DDX10: variants seen among roughly 807,000 people sequenced by gnomAD.
DDX10 encodes the protein probable ATP-dependent RNA helicase DDX10.
In DDX10, 74 loss-of-function variants were observed where a neutral mutation model predicts 104.3. The observed-to-expected ratio is 0.71, with a 90% CI of 0.59 to 0.86. The LOEUF (loss-of-function observed/expected upper bound fraction) is 0.86. DDX10 is among the 40% of genes least tolerant of loss of function. DDX10 has a pLI of 0.00. For missense variants in DDX10, 952 were observed against 1,040.0 expected, an observed-to-expected ratio of 0.92 and a Z score of 1.16; for synonymous variants, 351 against 353.4, an observed-to-expected ratio of 0.99 and a Z score of 0.08.
rs536617962 is a variant in DDX10 at position 108,871,597 on chromosome 11, A to C, written c.2304+19388A>C. ...TACCCATCCATTTGCCCACACCCCA[A>C]CTCCATCCTCCTCCTTACCAGTCCC... On this transcript the variant is annotated intron_variant, in intron 16 of 17. Coordinates refer to ENST00000322536, the MANE Select transcript of DDX10 (RefSeq NM_004398.4). Among the ~76,000 whole-genome samples the C allele has an allele frequency of 3.3e-5, 5 of 152,048 alleles. No individual in the cohort carries two copies. The East Asian group carries it at 7.7e-4, about 24-fold the overall frequency.
rs558611386 is a variant in DDX10, at chr11:108,940,453, A to G, written c.*30A>G. ...TTCCTGCGCCTGCCTTCTCCTTGAAACCTTGGTTATGACTGCGTAGGCAAG... is the reference window on the plus strand; with the variant it reads ...TTCCTGCGCCTGCCTTCTCCTTGAAGCCTTGGTTATGACTGCGTAGGCAAG... On this transcript the variant is annotated 3_prime_UTR_variant, in exon 18 of 18. Transcript: ENST00000322536. 2.5e-6 allele frequency: 4 copies of G among 1,606,048 alleles called. No individual in the cohort carries two copies. In the South Asian group the frequency reaches 4.4e-5, roughly 18 times the overall value.
At chr11:108,852,119 T>C in intron 15 of DDX10, 34 bp from the exon 16 acceptor site, 1 of 1,544,950 alleles carries the variant, frequency 6.5e-7, no homozygotes, top group Non-Finnish European at 8.9e-7. Flanking sequence ...CCTAATTATA[T>C]GCTGCTAATT....
intron 16 of DDX10, among the ~76,000 whole-genome samples, chr11:108,879,493 C>T (rs1638312539): frequency 6.6e-6 from 1 of 152,104 alleles, no homozygotes; most frequent in East Asian, 1.9e-4. Context: ...GTAATTTCTA[C>T]ATTGCTCCCA....
intron 13 of DDX10, among the ~76,000 whole-genome samples, chr11:108,825,272 G>A (rs1862380452): frequency 6.6e-6 from 1 of 152,180 alleles, no homozygotes; most frequent in South Asian, 2.1e-4. Flanking sequence ...TCTGGAAAAT[G>A]AGGGAAACAG....
Position 108,917,864 on chromosome 11 carries a change from A to G in DDX10, c.2305-9A>G, listed in dbSNP as rs567729723. ...TTCAACTGCAGTTTCCCTTATTATT[A>G]TTTTTTAGGCCAAAGATGAAGAGGA... On this transcript the variant is annotated splice_polypyrimidine_tract_variant and intron_variant, in intron 16 of 17. Coordinates refer to ENST00000322536, the MANE Select transcript of DDX10 (RefSeq NM_004398.4). 4.0e-5 allele frequency: 64 copies of G among 1,607,528 alleles called. 1 individual carries two copies. The East Asian group carries it at 9.4e-4, about 24-fold the overall frequency.
At chr11:108,682,698 A>T (rs1238923816) in intron 6 of DDX10, among the ~76,000 whole-genome samples, 1 of 152,182 alleles carries the variant, frequency 6.6e-6, no homozygotes, top group East Asian at 1.9e-4. Context: ...TGTTTGCAAC[A>T]TCAGTATTTA....
At chr11:108,729,116 CA>C (rs2094308862) in intron 13 of DDX10, among the ~76,000 whole-genome samples, 1 of 152,128 alleles carries the variant, frequency 6.6e-6, no homozygotes, top group African/African-American at 2.4e-5. Context: ...CTCATGTAAA[CA>C]CTTACTTTAT....
intron 16 of DDX10, among the ~76,000 whole-genome samples, chr11:108,865,689 A>G (rs1174956201): frequency 6.6e-6 from 1 of 152,086 alleles, no homozygotes; most frequent in African/African-American, 2.4e-5. Flanking sequence ...ATGCAGCGAG[A>G]TTTTGAGGGG....
At chr11:108,937,999 C>A (rs1864057855) in intron 17 of DDX10, among the ~76,000 whole-genome samples, 1 of 152,218 alleles carries the variant, frequency 6.6e-6, no homozygotes, top group South Asian at 2.1e-4. Context: ...CAGGCTTGGA[C>A]TCGCCCCAAT....
At chr11:108,734,894 T>C (rs531366122) in intron 13 of DDX10, among the ~76,000 whole-genome samples, 1 of 152,334 alleles carries the variant, frequency 6.6e-6, no homozygotes, top group South Asian at 2.1e-4. Flanking sequence ...AATATAATTG[T>C]ACAACACTGC....
chr11:108,738,273 C>G (rs1377724849), intron 13 of DDX10, among the ~76,000 whole-genome samples: 1 of 147,144 alleles, frequency 6.8e-6, no homozygotes, highest in African/African-American at 2.5e-5. Flanking sequence ...TTAAAGGAAT[C>G]TATGAAAATC....
At chr11:108,841,940 T>C (rs757613026) in intron 15 of DDX10, among the ~76,000 whole-genome samples, 11 of 152,248 alleles carry the variant, frequency 7.2e-5, no homozygotes, top group Non-Finnish European at 1.3e-4. Flanking sequence ...TTTGTTCCTT[T>C]TATTACTAAG....
At chr11:108,855,695 G>GT (rs1294719086) in intron 16 of DDX10, among the ~76,000 whole-genome samples, 1 of 151,874 alleles carries the variant, frequency 6.6e-6, no homozygotes, top group Non-Finnish European at 1.5e-5. Flanking sequence ...TCCTGACCCC[G>GT]TGATCCACCC....
chr11:108,834,006 A>T (rs1862511795), intron 13 of DDX10, among the ~76,000 whole-genome samples: 1 of 152,018 alleles, frequency 6.6e-6, no homozygotes. Context: ...TCCAAGCTAG[A>T]TTGCAGTGGA....
rs1260985866 is a variant in DDX10, at chr11:108,813,001, C to T, written c.1966-25445C>T. Among the ~76,000 whole-genome samples the T allele has an allele frequency of 1.1e-4, 4 of 37,114 alleles. No individual in the cohort carries two copies. In the South Asian group the frequency reaches 2.7e-3, roughly 25 times the overall value. The allele number at this position is 37,114 out of a possible 152,430, so 24.3% of individuals were successfully genotyped here. A position where few individuals can be genotyped will look rare whatever the true frequency, so the allele number is the denominator to read the frequency against. ...TCTTAAAAAAAAAAAAAAGAACAAA[C>T]ATTTACTTTTATGAACAGATTTGTA... On this transcript the variant is annotated intron_variant, in intron 13 of 17. Transcript: ENST00000322536.
chr11:108,919,810 T>G (rs1863800137), intron 17 of DDX10: 1 of 152,350 alleles, frequency 6.6e-6, no homozygotes, highest in South Asian at 2.1e-4. Context: ...ACAGCAGGCA[T>G]TTCATTTAAT....
At chr11:108,852,506 C>T (rs557236300) in intron 16 of DDX10, among the ~76,000 whole-genome samples, 5 of 152,164 alleles carry the variant, frequency 3.3e-5, no homozygotes, top group African/African-American at 1.2e-4. Flanking sequence ...TATTTTGCAT[C>T]TATTAAATAC....
Position 108,706,767 on chromosome 11 carries a change from A to G in DDX10, c.1252A>G (p.Ile418Val), listed in dbSNP as rs1470945238. The G allele has an allele frequency of 2.5e-6, 4 of 1,614,046 alleles. No homozygotes were observed. Among genetic ancestry groups the G allele is most frequent in the Non-Finnish European group, 3.4e-6 (4 of 1,179,952 alleles). Residue 418 changes from isoleucine to valine, a missense_variant, in exon 10 of 18, where the codon ATT becomes GTT. By Grantham distance (29) the Ile-to-Val change is conservative. Coordinates refer to ENST00000322536, the MANE Select transcript of DDX10 (RefSeq NM_004398.4). ...RYKEDGEALL[I>V]LLPSEKAMVQ... ...CAAAGAGGATGGTGAAGCTTTGCTA[A>G]TTTTGCTACCCTCAGAAAAAGCTAT...
chr11:108,882,497 A>G (rs1863240262), intron 16 of DDX10, among the ~76,000 whole-genome samples: 1 of 152,134 alleles, frequency 6.6e-6, no homozygotes, highest in Non-Finnish European at 1.5e-5. Context: ...ACTAAAGAAG[A>G]CTCGTGTTTA....
Sources: gnomAD v4.1 joint callset for allele counts (sites outside exome capture counted in the v4.1 genomes callset) on GRCh38, gnomAD v4.1.1 for gene constraint, MANE v1.5 for transcripts, NCBI Gene and HGNC (gene_info 2026-07-23, HGNC 2026-07-21) for gene names.